The following TMEM192 variants were observed in gnomAD, a reference collection of about 807,000 sequenced individuals.
TMEM192 encodes the protein transmembrane protein 192.
In TMEM192, 20 loss-of-function variants were observed where a neutral mutation model predicts 26.7. The ratio of observed to expected loss-of-function variants is 0.75; its 90% confidence interval spans 0.53 to 1.09. TMEM192 has a LOEUF of 1.09. TMEM192 is among the 50% of genes least tolerant of loss of function. The pLI is 0.00. For synonymous variants in TMEM192, 124 were observed against 121.0 expected (o/e 1.02, Z -0.16); for missense variants, 304 against 322.6 (o/e 0.94, Z 0.44).
In TMEM192 at chr4:165,073,233, T is replaced by C. The variant is rs1301124268; in HGVS notation, c.*6425A>G. On this transcript the variant is annotated 3_prime_UTR_variant, in exon 6 of 6. Coordinates refer to ENST00000306480, the MANE Select transcript of TMEM192 (RefSeq NM_001100389.2). ...TGTACTAAGAAAAATTGTTTCTGCT[T>C]TGAGATGCTGTTAACCTATAACTTT... 1 of 152,774 alleles carries C rather than the reference T, an allele frequency of 6.5e-6. No homozygotes were observed. The highest frequency in any genetic ancestry group is 1.9e-4 in the East Asian group (1 of 5,238). 9.5% of individuals were successfully genotyped at this position (152,774 alleles called of 1,614,324 possible). A position where few individuals can be genotyped will look rare whatever the true frequency, so the allele number is the denominator to read the frequency against.
At chr4:165,098,779 C>T (rs1560933051) in intron 3 of TMEM192, among the ~76,000 whole-genome samples, 4 of 151,776 alleles carry the variant, frequency 2.6e-5, no homozygotes, top group African/African-American at 9.7e-5. Flanking sequence ...CTCACTGTAA[C>T]CTCTGCCTCC....
chr4:165,103,003 G>A lies in TMEM192; in HGVS notation c.121C>T (p.Arg41Ter), dbSNP rs758514208. The change falls in exon 2 of 6, where the codon CGA (arginine) becomes TGA (stop). Residue 41 changes from arginine (R) to a stop codon, truncating the protein, a stop_gained. Coordinates refer to ENST00000306480, the MANE Select transcript of TMEM192 (RefSeq NM_001100389.2). LOFTEE classifies it high-confidence loss of function. ...HHSLQAHFRPRFHPLPTVIIV... is the reference protein window; with the variant it reads ...HHSLQAHFRP Reference sequence around the variant, plus strand: ...ATGACTGTAGGAAGAGGATGGAATCGGGGTCTAAAGTGAGCTTGTAATGAG... The same window carrying A: ...ATGACTGTAGGAAGAGGATGGAATCAGGGTCTAAAGTGAGCTTGTAATGAG... The A allele has an allele frequency of 4.3e-6, 7 of 1,613,164 alleles. No homozygotes were observed. Among genetic ancestry groups the A allele is most frequent in the East Asian group, 2.2e-5 (1 of 44,866 alleles).
intron 2 of TMEM192, 69 bp downstream of exon 2, chr4:165,102,881 C>T: frequency 6.9e-7 from 1 of 1,448,936 alleles, no homozygotes; most frequent in Non-Finnish European, 9.2e-7. Flanking sequence ...CACAACTGCC[C>T]TCTGAAACAC....
At chr4:165,093,003 C>G (rs577104764) in intron 3 of TMEM192, among the ~76,000 whole-genome samples, 65 of 151,388 alleles carry the variant, frequency 4.3e-4, no homozygotes, top group African/African-American at 1.5e-3. Context: ...CCCACTCACC[C>G]AATGACCTGC....
rs1734275564 is a variant in TMEM192, at chr4:165,071,733, A to G, written c.*7925T>C. On this transcript the variant is annotated 3_prime_UTR_variant, in exon 6 of 6. Transcript: ENST00000306480. Reference sequence around the variant, plus strand: ...CCACAGTGTGACCGACGCAGGGTACACAAAGGAAGAGTAGGAGAGAGGAGG... The same window carrying G: ...CCACAGTGTGACCGACGCAGGGTACGCAAAGGAAGAGTAGGAGAGAGGAGG... The G allele has an allele frequency of 6.6e-6, 1 of 151,806 alleles. No individual in the cohort carries two copies. The highest frequency in any genetic ancestry group is 2.1e-4 in the South Asian group (1 of 4,830). 9.4% of individuals were successfully genotyped at this position (151,806 alleles called of 1,614,324 possible).
At chr4:165,090,821 T>C (rs1734740419) in intron 3 of TMEM192, among the ~76,000 whole-genome samples, 1 of 143,748 alleles carries the variant, frequency 7.0e-6, no homozygotes, top group Non-Finnish European at 1.5e-5. Flanking sequence ...GGAGAATCAC[T>C]TGGTCCCGGA....
At chr4:165,094,656 CAA>C (rs113595881) in intron 3 of TMEM192, among the ~76,000 whole-genome samples, 3 of 121,066 alleles carry the variant, frequency 2.5e-5, no homozygotes, top group Admixed American at 8.8e-5. Flanking sequence ...GACTCTGTCT[CAA>C]AAAAAAAAAA....
At position 165,102,935 on chromosome 4, in the gene TMEM192, T is replaced by C; in HGVS notation, c.174+15A>G. ...CATCACCTCTGGATAGGTCCCCTTCTTGCAGCCAACTTACATGAATAAACC... is the reference window on the plus strand; with the variant it reads ...CATCACCTCTGGATAGGTCCCCTTCCTGCAGCCAACTTACATGAATAAACC... On this transcript the variant is annotated intron_variant, in intron 2 of 5. Transcript: ENST00000306480. 6.2e-7 allele frequency: 1 copy of C among 1,606,704 alleles called. No individual in the cohort carries two copies. The highest frequency in any genetic ancestry group is 8.5e-7 in the Non-Finnish European group (1 of 1,176,610).
chr4:165,111,141 C>T (rs1392631426), intron 1 of TMEM192, among the ~76,000 whole-genome samples: 1 of 151,894 alleles, frequency 6.6e-6, no homozygotes, highest in African/African-American at 2.4e-5. Context: ...GCTCTGTTGC[C>T]CCGGCTGGAG....
At chr4:165,090,473 T>C (rs1454673595) in intron 3 of TMEM192, among the ~76,000 whole-genome samples, 14 of 152,044 alleles carry the variant, frequency 9.2e-5, no homozygotes, top group Admixed American at 9.2e-4. Context: ...GGACAGAAGC[T>C]CCTGTACTTG....
At chr4:165,099,783 T>TAA (rs1734995459) in intron 3 of TMEM192, among the ~76,000 whole-genome samples, 1 of 152,042 alleles carries the variant, frequency 6.6e-6, no homozygotes, top group Non-Finnish European at 1.5e-5. Flanking sequence ...TGCTTCTACA[T>TAA]AAAATGTTTA....
At chr4:165,097,576 T>C (rs1163610572) in intron 3 of TMEM192, among the ~76,000 whole-genome samples, 1 of 146,906 alleles carries the variant, frequency 6.8e-6, no homozygotes, top group Non-Finnish European at 1.5e-5. Flanking sequence ...AGCCTTTTTT[T>C]TTTTTTTTTG....
At chr4:165,080,770 A>G (rs1734501579) in intron 5 of TMEM192, among the ~76,000 whole-genome samples, 1 of 152,172 alleles carries the variant, frequency 6.6e-6, no homozygotes, top group Non-Finnish European at 1.5e-5. Context: ...GCTGGAGTGC[A>G]GTGGCATGAT....
intron 1 of TMEM192, among the ~76,000 whole-genome samples, chr4:165,111,346 G>A (rs112705821): frequency 0.052 from 7,966 of 152,108 alleles, 293 homozygotes; most frequent in Non-Finnish European, 0.085. Flanking sequence ...TGCCTGCCTC[G>A]GCCTCCCAAA....
intron 2 of TMEM192, among the ~76,000 whole-genome samples, chr4:165,101,134 G>A (rs1735031231): frequency 1.3e-5 from 2 of 151,426 alleles, no homozygotes; most frequent in South Asian, 2.1e-4. Flanking sequence ...CCGCCACCAC[G>A]CCTGGCTAAC....
chr4:165,081,350 G>A (rs574411617), intron 5 of TMEM192, among the ~76,000 whole-genome samples: 8 of 147,514 alleles, frequency 5.4e-5, no homozygotes, highest in African/African-American at 7.5e-5. Flanking sequence ...GTCAACTCTT[G>A]TATATACTGA....
At chr4:165,100,287 G>A (rs999430038) in intron 3 of TMEM192, among the ~76,000 whole-genome samples, 5 of 151,546 alleles carry the variant, frequency 3.3e-5, no homozygotes, top group East Asian at 3.9e-4. Flanking sequence ...AGCCTCCTGA[G>A]TAGCTGGGAT....
chr4:165,080,746 G>A (rs918138094), intron 5 of TMEM192, among the ~76,000 whole-genome samples: 2 of 152,092 alleles, frequency 1.3e-5, no homozygotes, highest in Non-Finnish European at 2.9e-5. Flanking sequence ...ACAGAGTCTA[G>A]CTCTGTTGCC....
At chr4:165,092,533 C>T (rs776950472) in intron 3 of TMEM192, among the ~76,000 whole-genome samples, 9 of 152,090 alleles carry the variant, frequency 5.9e-5, no homozygotes, top group Non-Finnish European at 1.2e-4. Context: ...ACACACTCAG[C>T]ATATCTATTA....
Sources: gnomAD v4.1 joint callset for allele counts (sites outside exome capture counted in the v4.1 genomes callset) on GRCh38, gnomAD v4.1.1 for gene constraint, MANE v1.5 for transcripts, NCBI Gene and HGNC (gene_info 2026-07-23, HGNC 2026-07-21) for gene names.